The following MAF variants were observed in gnomAD, a reference collection of about 807,000 sequenced individuals.
The protein encoded by MAF is MAF bZIP transcription factor.
MAF carries 10 observed loss-of-function variants against 22.0 expected under a neutral mutation model. The ratio of observed to expected loss-of-function variants is 0.45; its 90% CI spans 0.28 to 0.77. The LOEUF is 0.77. Among genes scored for constraint, MAF ranks in the 30% least tolerant of loss-of-function variants. The pLI, the probability that MAF is intolerant of heterozygous loss-of-function variation, is 0.12. For synonymous variants in MAF, 337 were observed against 255.8 expected, an observed-to-expected ratio of 1.32 and a Z score of -3.03; for missense variants, 544 against 548.4, an observed-to-expected ratio of 0.99 and a Z score of 0.08.
the MAF span, among the ~76,000 whole-genome samples, chr16:79,526,097 C>T: frequency 1.3e-5 from 2 of 152,178 alleles, no homozygotes; most frequent in Non-Finnish European, 1.5e-5. Flanking sequence ...CATGAATCTT[C>T]CTGCCTCTTG....
the MAF span, among the ~76,000 whole-genome samples, chr16:79,433,286 A>ATG: frequency 1.4e-5 from 2 of 147,014 alleles, no homozygotes; most frequent in Non-Finnish European, 3.0e-5. Context: ...AAATATATAT[A>ATG]TATATATATA....
the MAF span, among the ~76,000 whole-genome samples, chr16:79,528,685 G>C: frequency 6.6e-6 from 1 of 151,896 alleles, no homozygotes; most frequent in African/African-American, 2.4e-5. Context: ...AGGCAAGAGA[G>C]AAGCCAGTGG....
the MAF span, among the ~76,000 whole-genome samples, chr16:79,304,486 A>G: frequency 4.6e-5 from 7 of 152,228 alleles, no homozygotes; most frequent in African/African-American, 1.4e-4. Flanking sequence ...TTGTTTTACC[A>G]TTAATTTTTG....
At chr16:79,289,867 T>TTTTTTTTTTTCC in the MAF span, among the ~76,000 whole-genome samples, 2 of 118,508 alleles carry the variant, frequency 1.7e-5, 1 homozygote, top group Non-Finnish European at 3.4e-5. Flanking sequence ...TTTTTTTTTT[T>TTTTTTTTTTTCC]TGTGAGACGG....
At chr16:79,452,178 T>C in the MAF span, among the ~76,000 whole-genome samples, 1 of 152,182 alleles carries the variant, frequency 6.6e-6, no homozygotes, top group Non-Finnish European at 1.5e-5. Flanking sequence ...TTTTGTCCTT[T>C]ACAGAAAAGA....
At chr16:79,242,771 G>A in the MAF span, among the ~76,000 whole-genome samples, 2 of 151,788 alleles carry the variant, frequency 1.3e-5, no homozygotes, top group Admixed American at 1.3e-4. Flanking sequence ...GCACCACATT[G>A]CACTTATTCT....
chr16:79,558,882 A>G, the MAF span, among the ~76,000 whole-genome samples: 2 of 152,244 alleles, frequency 1.3e-5, no homozygotes, highest in South Asian at 2.1e-4. Flanking sequence ...AGAGATGATC[A>G]CAGGCTAACC....
chr16:79,246,897 A>G, the MAF span, among the ~76,000 whole-genome samples: 132 of 146,912 alleles, frequency 9.0e-4, no homozygotes, highest in African/African-American at 3.2e-3. Context: ...TTAACTGTTG[A>G]CTCTGTGCCA....
At chr16:79,486,839 T>C in the MAF span, among the ~76,000 whole-genome samples, 1 of 152,308 alleles carries the variant, frequency 6.6e-6, no homozygotes, top group South Asian at 2.1e-4. Context: ...GTTTGAGAAA[T>C]AAAGTTTATT....
At chr16:79,342,300 C>T in the MAF span, among the ~76,000 whole-genome samples, 12 of 152,296 alleles carry the variant, frequency 7.9e-5, no homozygotes, top group Admixed American at 1.3e-4. Flanking sequence ...AGAGGGCCCT[C>T]GTTGCTCTCC....
At chr16:79,409,574 A>G in the MAF span, among the ~76,000 whole-genome samples, 1 of 152,220 alleles carries the variant, frequency 6.6e-6, no homozygotes, top group African/African-American at 2.4e-5. Flanking sequence ...AAGCCCACCC[A>G]GGAGGAGTGA....
the MAF span, among the ~76,000 whole-genome samples, chr16:79,512,727 A>T: frequency 6.6e-6 from 1 of 152,178 alleles, no homozygotes; most frequent in Non-Finnish European, 1.5e-5. Flanking sequence ...AAAGTAACAG[A>T]TGTGCGTGAG....
the MAF span, among the ~76,000 whole-genome samples, chr16:79,371,682 A>T: frequency 6.6e-5 from 10 of 152,094 alleles, no homozygotes; most frequent in Admixed American, 6.6e-4. Flanking sequence ...CCTCCTCATC[A>T]TTCAGGCCTC....
At chr16:79,334,863 A>ATGTGTGTG in the MAF span, among the ~76,000 whole-genome samples, 42 of 61,348 alleles carry the variant, frequency 6.8e-4, no homozygotes, top group African/African-American at 1.7e-3. Flanking sequence ...GTGTGTGTGT[A>ATGTGTGTG]TGTGTGTGTG....
the MAF span, among the ~76,000 whole-genome samples, chr16:79,322,423 CT>C: frequency 1.3e-5 from 2 of 152,042 alleles, no homozygotes; most frequent in Non-Finnish European, 2.9e-5. Flanking sequence ...CTTGATTATG[CT>C]TGTGATTTGA....
the MAF span, among the ~76,000 whole-genome samples, chr16:79,365,515 G>C: frequency 6.6e-6 from 1 of 152,138 alleles, no homozygotes; most frequent in African/African-American, 2.4e-5. Context: ...TCTCTTCATT[G>C]CACTTTGTGA....
chr16:79,467,465 G>A, the MAF span, among the ~76,000 whole-genome samples: 1 of 152,164 alleles, frequency 6.6e-6, no homozygotes, highest in Admixed American at 6.5e-5. Context: ...TGCAGGCAGT[G>A]ATCTTATGAA....
the MAF span, among the ~76,000 whole-genome samples, chr16:79,378,837 G>C: frequency 3.9e-5 from 6 of 152,112 alleles, no homozygotes; most frequent in Admixed American, 1.3e-4. Context: ...AAAATGAACA[G>C]CTTTTTCTTA....
chr16:79,383,130 A>G, the MAF span, among the ~76,000 whole-genome samples: 1 of 151,976 alleles, frequency 6.6e-6, no homozygotes, highest in East Asian at 1.9e-4. Context: ...AATTTGAACC[A>G]TTGGAGATAT....
Sources: gnomAD v4.1 joint callset for allele counts (sites outside exome capture counted in the v4.1 genomes callset) on GRCh38, gnomAD v4.1.1 for gene constraint, MANE v1.5 for transcripts, NCBI Gene and HGNC (gene_info 2026-07-23, HGNC 2026-07-21) for gene names.